Variants in CDH13 observed in about 807,000 individuals in gnomAD.
The protein encoded by CDH13 is cadherin 13.
CDH13 carries 24 observed loss-of-function variants against 63.8 expected under a neutral mutation model. The ratio of observed to expected loss-of-function variants is 0.38; its 90% CI spans 0.27 to 0.53. The LOEUF (loss-of-function observed/expected upper bound fraction) is 0.53, where lower values mean the gene tolerates loss of function less well. CDH13 is among the 20% of genes least tolerant of loss of function. The probability of loss-of-function intolerance (pLI) is 0.85; values close to 1 mark genes in which losing one functional copy is unlikely to be tolerated. For synonymous variants in CDH13, 503 were observed against 355.3 expected (o/e 1.42, Z -4.67); for missense variants, 1,049 against 903.1 (o/e 1.16, Z -2.07).
chr16:82,696,707 A>C (rs775031289), intron 1 of CDH13, among the ~76,000 whole-genome samples: 1 of 152,216 alleles, frequency 6.6e-6, no homozygotes, highest in Non-Finnish European at 1.5e-5. Context: ...GTGGGATGCT[A>C]TCTATGTATG....
At chr16:82,729,278 C>T (rs901526202) in intron 1 of CDH13, among the ~76,000 whole-genome samples, 2 of 152,148 alleles carry the variant, frequency 1.3e-5, no homozygotes, top group Non-Finnish European at 2.9e-5. Flanking sequence ...TTGCCCCGAT[C>T]CATCAGAGGA....
At chr16:83,665,739 A>G (rs1913888150) in intron 8 of CDH13, among the ~76,000 whole-genome samples, 1 of 152,202 alleles carries the variant, frequency 6.6e-6, no homozygotes, top group African/African-American at 2.4e-5. Context: ...GCAGTCCTTT[A>G]AACTTGTCCT....
At chr16:83,613,193 G>T (rs1353125537) in intron 8 of CDH13, among the ~76,000 whole-genome samples, 1 of 152,166 alleles carries the variant, frequency 6.6e-6, no homozygotes, top group Admixed American at 6.6e-5. Flanking sequence ...AAAGAAACGT[G>T]TCTCTTTTCT....
At chr16:83,237,890 A>G (rs1358597183) in intron 5 of CDH13, among the ~76,000 whole-genome samples, 3 of 152,200 alleles carry the variant, frequency 2.0e-5, no homozygotes, top group African/African-American at 7.2e-5. Context: ...GATAACTTAT[A>G]TATGTCTTAT....
chr16:82,676,871 T>TTTTTG (rs61269039), intron 1 of CDH13, among the ~76,000 whole-genome samples: 62,426 of 149,304 alleles, frequency 0.42, 13,673 homozygotes, highest in East Asian at 0.72. Flanking sequence ...GTTTCTTTGT[T>TTTTTG]TTTTGTTTTG....
intron 4 of CDH13, among the ~76,000 whole-genome samples, chr16:83,168,836 T>A (rs1406549580): frequency 6.6e-6 from 1 of 152,160 alleles, no homozygotes; most frequent in Non-Finnish European, 1.5e-5. Flanking sequence ...CTTCATAAAG[T>A]TCTTCCAAAC....
At chr16:83,768,783 G>C (rs1914570378) in intron 11 of CDH13, among the ~76,000 whole-genome samples, 1 of 151,952 alleles carries the variant, frequency 6.6e-6, no homozygotes, top group African/African-American at 2.4e-5. Flanking sequence ...GTAGCAATGA[G>C]GATGACCAGA....
intron 7 of CDH13, among the ~76,000 whole-genome samples, chr16:83,518,720 C>T (rs924792063): frequency 6.6e-6 from 1 of 152,006 alleles, no homozygotes; most frequent in African/African-American, 2.4e-5. Context: ...ATCTGCCCGC[C>T]TCAGCCTCCC....
intron 13 of CDH13, among the ~76,000 whole-genome samples, chr16:83,785,459 G>T (rs1402952363): frequency 6.6e-6 from 1 of 152,182 alleles, no homozygotes; most frequent in Non-Finnish European, 1.5e-5. Flanking sequence ...TCACCTTGGG[G>T]ATCAGGTTTC....
intron 1 of CDH13, chr16:82,824,052 A>C (rs2038128214): frequency 1.3e-5 from 2 of 152,174 alleles, no homozygotes; most frequent in Admixed American, 1.3e-4. Flanking sequence ...AAACAAGAAG[A>C]ATCTGTAAAA....
At chr16:83,617,558 C>A (rs1229573423) in intron 8 of CDH13, among the ~76,000 whole-genome samples, 1 of 151,132 alleles carries the variant, frequency 6.6e-6, no homozygotes, top group Non-Finnish European at 1.5e-5. Context: ...ATGAACATAT[C>A]TCAATATGCA....
At chr16:83,172,304 T>C (rs2037954655) in intron 4 of CDH13, among the ~76,000 whole-genome samples, 1 of 152,026 alleles carries the variant, frequency 6.6e-6, no homozygotes. Flanking sequence ...CAGCCTGGGC[T>C]ATAGTGAAAC....
intron 7 of CDH13, among the ~76,000 whole-genome samples, chr16:83,537,758 T>C (rs943003657): frequency 6.6e-6 from 1 of 152,226 alleles, no homozygotes; most frequent in Non-Finnish European, 1.5e-5. Flanking sequence ...GAATATCACA[T>C]TTTAGCCCCT....
intron 7 of CDH13, among the ~76,000 whole-genome samples, chr16:83,518,437 G>A (rs10468353): frequency 0.49 from 73,606 of 149,978 alleles, 18,514 homozygotes; most frequent in African/African-American, 0.61. Flanking sequence ...GAGCCACCGC[G>A]CCCGGCCAAG....
chr16:83,424,317 A>T lies in CDH13; in HGVS notation c.782-62160A>T, dbSNP rs573942103. ...ACAGTCTAGAAGAGGGAAATCCAGC[A>T]TGGACTGCTGTGCACCAGCCTACAT... On this transcript the variant is annotated intron_variant, in intron 6 of 13. Coordinates refer to ENST00000567109, the MANE Select transcript of CDH13 (RefSeq NM_001257.5). Among the ~76,000 whole-genome samples, 30 of 152,230 alleles carry T rather than the reference A, an allele frequency of 2.0e-4. No homozygotes were observed. The South Asian group carries it at 6.2e-3, about 32-fold the overall frequency.
At chr16:83,555,219 A>G (rs931688561) in intron 7 of CDH13, among the ~76,000 whole-genome samples, 3 of 152,186 alleles carry the variant, frequency 2.0e-5, no homozygotes, top group Admixed American at 6.5e-5. Flanking sequence ...TATGGAGACC[A>G]TGGTTTGTAC....
At chr16:82,629,674 A>C (rs540346453) in intron 1 of CDH13, among the ~76,000 whole-genome samples, 119 of 152,294 alleles carry the variant, frequency 7.8e-4, no homozygotes, top group African/African-American at 2.8e-3. Flanking sequence ...AATCTCTGTA[A>C]GCTTATTGGC....
intron 2 of CDH13, among the ~76,000 whole-genome samples, chr16:82,957,477 T>G (rs1279855835): frequency 1.3e-5 from 2 of 152,204 alleles, no homozygotes; most frequent in African/African-American, 4.8e-5. Flanking sequence ...GCCACTAGTA[T>G]GTTGGCAATA....
intron 7 of CDH13, among the ~76,000 whole-genome samples, chr16:83,511,883 G>A (rs1248240646): frequency 6.6e-6 from 1 of 152,040 alleles, no homozygotes; most frequent in Non-Finnish European, 1.5e-5. Context: ...TTGAGGCCTG[G>A]GCATGTTATT....
Sources: gnomAD v4.1 joint callset for allele counts (sites outside exome capture counted in the v4.1 genomes callset) on GRCh38, gnomAD v4.1.1 for gene constraint, MANE v1.5 for transcripts, NCBI Gene and HGNC (gene_info 2026-07-23, HGNC 2026-07-21) for gene names.